FER: variants seen among roughly 807,000 people sequenced by gnomAD.
FER encodes the protein tyrosine-protein kinase Fer.
In FER, 63 loss-of-function variants were observed where a neutral mutation model predicts 111.0. The observed-to-expected ratio is 0.57, with a 90% confidence interval of 0.46 to 0.70. The LOEUF is 0.70. Ranked by LOEUF, FER falls within the 30% of genes least tolerant of loss-of-function variation. FER has a pLI of 0.00. For synonymous variants in FER, 327 were observed against 313.9 expected (o/e 1.04, Z -0.44); for missense variants, 914 against 954.0 (o/e 0.96, Z 0.55).
At chr5:108,902,189 A>C (rs1478593971) in intron 10 of FER, among the ~76,000 whole-genome samples, 3 of 152,196 alleles carry the variant, frequency 2.0e-5, no homozygotes, top group Non-Finnish European at 4.4e-5. Flanking sequence ...GAGGAAAAAA[A>C]CGGGCTATAA....
intron 15 of FER, 49 bp from the exon 16 acceptor site, chr5:109,047,055 T>G: frequency 1.0e-6 from 1 of 1,001,506 alleles, no homozygotes; most frequent in Non-Finnish European, 1.5e-6. Context: ...CACAAATTAA[T>G]GCTTTATTAT....
At chr5:109,011,993 CT>C (rs1561769974) in intron 13 of FER, among the ~76,000 whole-genome samples, 1 of 152,180 alleles carries the variant, frequency 6.6e-6, no homozygotes, top group Non-Finnish European at 1.5e-5. Flanking sequence ...TTGTGCTTCC[CT>C]TTTCTCCCCA....
At chr5:109,112,976 C>T (rs1216768293) in intron 17 of FER, among the ~76,000 whole-genome samples, 1 of 152,126 alleles carries the variant, frequency 6.6e-6, no homozygotes, top group Non-Finnish European at 1.5e-5. Context: ...GATATCCATG[C>T]CCTCTCGAGT....
chr5:109,091,683 G>T (rs1001540456), intron 16 of FER, among the ~76,000 whole-genome samples: 3 of 152,166 alleles, frequency 2.0e-5, no homozygotes, highest in African/African-American at 7.2e-5. Flanking sequence ...GCCAAGCCAT[G>T]AGTGTAGGGC....
In FER at chr5:109,189,306, C is replaced by T. The variant is rs1759199936; in HGVS notation, c.*1731C>T. The T allele has an allele frequency of 1.3e-5, 2 of 152,296 alleles. No homozygotes were observed. The highest frequency in any genetic ancestry group is 2.9e-5 in the Non-Finnish European group (2 of 68,018). The allele number at this position is 152,296 out of a possible 1,614,324, so 9.4% of individuals were successfully genotyped here. ...TTTTATAAGTTCTCAGGCCTGTGTCCTGGTAAACATTACCTTAGTGATTAT... is the reference window on the plus strand; with the variant it reads ...TTTTATAAGTTCTCAGGCCTGTGTCTTGGTAAACATTACCTTAGTGATTAT... On this transcript the variant is annotated 3_prime_UTR_variant, in exon 20 of 20. Coordinates refer to ENST00000281092, the MANE Select transcript of FER (RefSeq NM_005246.4).
intron 10 of FER, among the ~76,000 whole-genome samples, chr5:108,926,181 G>T (rs1753714459): frequency 6.8e-6 from 1 of 147,848 alleles, no homozygotes; most frequent in Non-Finnish European, 1.5e-5. Flanking sequence ...TTTTATATTA[G>T]AATCTTCAAT....
At chr5:108,814,229 T>G (rs1464644228) in intron 3 of FER, among the ~76,000 whole-genome samples, 2 of 152,162 alleles carry the variant, frequency 1.3e-5, no homozygotes, top group African/African-American at 4.8e-5. Context: ...AACCTGTGAT[T>G]TGGTAATTTT....
At chr5:108,991,009 T>G (rs919601429) in intron 13 of FER, among the ~76,000 whole-genome samples, 1 of 151,522 alleles carries the variant, frequency 6.6e-6, no homozygotes, top group South Asian at 2.1e-4. Flanking sequence ...TGCTTCTGAG[T>G]TTGACATAAA....
intron 10 of FER, among the ~76,000 whole-genome samples, chr5:108,901,291 A>G (rs933337262): frequency 3.3e-5 from 5 of 151,946 alleles, no homozygotes; most frequent in African/African-American, 9.7e-5. Context: ...GTTATGCTAG[A>G]TAAGTATGAT....
intron 11 of FER, among the ~76,000 whole-genome samples, chr5:108,953,978 A>G (rs1030813118): frequency 2.0e-5 from 3 of 152,240 alleles, no homozygotes; most frequent in Middle Eastern, 3.4e-3. Context: ...AGGAAATACA[A>G]TCATCTCTTA....
At chr5:109,051,929 C>T (rs1287559723) in intron 16 of FER, 2 of 1,581,178 alleles carry the variant, frequency 1.3e-6, no homozygotes, top group Non-Finnish European at 1.7e-6. Flanking sequence ...AAGCTGAATC[C>T]ATAGATGTAC....
chr5:108,954,181 G>A (rs762050327), intron 11 of FER, among the ~76,000 whole-genome samples: 141 of 152,054 alleles, frequency 9.3e-4, no homozygotes, highest in Non-Finnish European at 1.6e-3. Flanking sequence ...GGCCAGCCAT[G>A]TGGCAGAGGT....
At chr5:108,900,331 ATAAT>A (rs1231082015) in intron 10 of FER, among the ~76,000 whole-genome samples, 1 of 152,150 alleles carries the variant, frequency 6.6e-6, no homozygotes, top group Admixed American at 6.5e-5. Flanking sequence ...TTTTCAATTA[ATAAT>A]TAGAATATTA....
In FER at chr5:109,027,192, G is replaced by A. The variant is rs993692987; in HGVS notation, c.1657-10230G>A. Among the ~76,000 whole-genome samples, 5 of 152,008 alleles carry A rather than the reference G, an allele frequency of 3.3e-5. No homozygotes were observed. In the East Asian group the frequency reaches 5.8e-4, roughly 18 times the overall value. On this transcript the variant is annotated intron_variant, in intron 13 of 19. Transcript: ENST00000281092. Reference sequence around the variant, plus strand: ...ACCACTATCCCTTTGACCAGGGGCTGGACAAAGCTTGTATTTCCAGTATTT... The same window carrying A: ...ACCACTATCCCTTTGACCAGGGGCTAGACAAAGCTTGTATTTCCAGTATTT...
At chr5:109,182,149 A>G (rs1328049678) in intron 18 of FER, among the ~76,000 whole-genome samples, 1 of 152,086 alleles carries the variant, frequency 6.6e-6, no homozygotes, top group African/African-American at 2.4e-5. Context: ...CCATTTTTGT[A>G]TATTTGGGCA....
intron 11 of FER, among the ~76,000 whole-genome samples, chr5:108,947,353 A>G (rs867919248): frequency 6.4e-4 from 97 of 152,146 alleles, no homozygotes; most frequent in African/African-American, 2.3e-3. Flanking sequence ...CATTCTTGCC[A>G]ACAATTGTTA....
chr5:108,888,372 C>G (rs763162824), intron 9 of FER, among the ~76,000 whole-genome samples: 2 of 151,770 alleles, frequency 1.3e-5, no homozygotes, highest in Non-Finnish European at 2.9e-5. Context: ...GAAACCAACA[C>G]AAAATTAAAA....
intron 17 of FER, among the ~76,000 whole-genome samples, chr5:109,109,030 G>C (rs908393281): frequency 6.6e-6 from 1 of 152,118 alleles, no homozygotes; most frequent in African/African-American, 2.4e-5. Context: ...TGCCAGTCTG[G>C]ACTGTTTCCA....
Position 109,196,563 on chromosome 5 carries a change from C to T in FER, c.*8988C>T, listed in dbSNP as rs1759757248. ...ATGGATGAAAGCTAAATATATAAAG[C>T]AGTTGGTTGTCTATCTTTTATCATT... On this transcript the variant is annotated 3_prime_UTR_variant, in exon 20 of 20. Transcript: ENST00000281092. 6.6e-6 allele frequency: 1 copy of T among 152,096 alleles called. No individual in the cohort carries two copies. The allele number at this position is 152,096 out of a possible 1,614,324, so 9.4% of individuals were successfully genotyped here.
Sources: allele counts gnomAD v4.1 joint callset (sites outside exome capture counted in the v4.1 genomes callset), GRCh38; gene constraint gnomAD v4.1.1; transcripts MANE v1.5; gene names NCBI Gene and HGNC (gene_info 2026-07-23, HGNC 2026-07-21).